Variants in ALG6 observed in about 807,000 individuals in gnomAD.
ALG6 encodes the protein dolichyl pyrophosphate Man9GlcNAc2 alpha-1,3-glucosyltransferase.
A neutral mutation model predicts 66.6 loss-of-function variants in ALG6; 46 were observed. That is an observed-to-expected ratio of 0.69 (90% CI 0.55 to 0.88). The LOEUF is 0.88. ALG6 is among the 40% of genes least tolerant of loss of function. ALG6 has a pLI of 0.00. For missense variants in ALG6, 505 were observed against 586.8 expected, an observed-to-expected ratio of 0.86 and a Z score of 1.44; for synonymous variants, 185 against 203.7, an observed-to-expected ratio of 0.91 and a Z score of 0.78.
intron 11 of ALG6, 99 bp from the exon 12 acceptor site, chr1:63,419,271 A>G (rs1349350054): frequency 3.9e-6 from 4 of 1,025,234 alleles, no homozygotes; most frequent in South Asian, 1.4e-5. Flanking sequence ...ATAAACTTTC[A>G]ACTTTCATTT....
In ALG6 at chr1:63,368,539, C is replaced by T. The variant is rs1448300717; in HGVS notation, c.-208+852C>T. Among the ~76,000 whole-genome samples, 10 of 151,824 alleles carry T rather than the reference C, an allele frequency of 6.6e-5. No homozygotes were observed. In the South Asian group the frequency reaches 1.0e-3, roughly 16 times the overall value. On this transcript the variant is annotated intron_variant, in intron 1 of 14. Transcript: ENST00000263440. ...TAATTGAGACAGAGTCTTGCTCTGT[C>T]GCCCAGGCTGGAGTGCAGTGGCACG...
At chr1:63,406,442 T>A (rs1050327337) in intron 6 of ALG6, 43 bp downstream of exon 6, 1 of 1,495,838 alleles carries the variant, frequency 6.7e-7, no homozygotes, top group Admixed American at 1.7e-5. Context: ...TGAAATGTAT[T>A]CTTTATTAGT....
chr1:63,406,502 T>A, intron 6 of ALG6, 103 bp downstream of exon 6: 1 of 958,836 alleles, frequency 1.0e-6, no homozygotes, highest in Non-Finnish European at 1.6e-6. Flanking sequence ...GGAAAGAGAG[T>A]AATTAGGAAT....
intron 2 of ALG6, among the ~76,000 whole-genome samples, chr1:63,380,578 A>G (rs1017867817): frequency 1.3e-5 from 2 of 152,150 alleles, no homozygotes; most frequent in African/African-American, 4.8e-5. Context: ...TGACACATAT[A>G]TTATTTTCTC....
intron 14 of ALG6, among the ~76,000 whole-genome samples, chr1:63,436,530 G>A (rs963948305): frequency 5.3e-5 from 8 of 152,096 alleles, no homozygotes; most frequent in Non-Finnish European, 7.4e-5. Flanking sequence ...CTTGGTGGTA[G>A]GAAGTATAAG....
At chr1:63,417,995 C>A (rs1034870135) in intron 11 of ALG6, among the ~76,000 whole-genome samples, 1 of 151,830 alleles carries the variant, frequency 6.6e-6, no homozygotes, top group Non-Finnish European at 1.5e-5. Context: ...ATTTGCCAGG[C>A]GTCGTGGTTC....
intron 2 of ALG6, among the ~76,000 whole-genome samples, chr1:63,392,143 C>G (rs1648691090): frequency 6.6e-6 from 1 of 152,000 alleles, no homozygotes; most frequent in African/African-American, 2.4e-5. Flanking sequence ...TTTCTACTTA[C>G]CCATTGCTAT....
chr1:63,396,824 C>A (rs987814998), intron 3 of ALG6, among the ~76,000 whole-genome samples: 1 of 152,076 alleles, frequency 6.6e-6, no homozygotes, highest in African/African-American at 2.4e-5. Context: ...TGAACTAGAA[C>A]GTTGATGATA....
intron 12 of ALG6, among the ~76,000 whole-genome samples, chr1:63,423,473 G>T (rs12079942): frequency 1.3e-5 from 2 of 151,918 alleles, no homozygotes; most frequent in Non-Finnish European, 2.9e-5. Flanking sequence ...CTTCATCACC[G>T]CAAAAGGAAA....
At chr1:63,390,849 T>C (rs1648651271) in intron 2 of ALG6, among the ~76,000 whole-genome samples, 1 of 152,222 alleles carries the variant, frequency 6.6e-6, no homozygotes, top group African/African-American at 2.4e-5. Flanking sequence ...TCTCTCTTCA[T>C]GCCATGCAGC....
chr1:63,374,517 A>C (rs1385225816), intron 2 of ALG6, among the ~76,000 whole-genome samples: 1 of 151,982 alleles, frequency 6.6e-6, no homozygotes, highest in African/African-American at 2.4e-5. Context: ...AGTCCCAGCT[A>C]TTCCGGAGGA....
chr1:63,369,639 G>GA (rs71045898), intron 1 of ALG6, among the ~76,000 whole-genome samples: 10,841 of 147,356 alleles, frequency 0.074, 421 homozygotes, highest in South Asian at 0.1. Context: ...CAAAAAAAAA[G>GA]AAAAAAAAAC....
At chr1:63,398,404 C>T (rs1020110049) in intron 3 of ALG6, among the ~76,000 whole-genome samples, 3 of 152,192 alleles carry the variant, frequency 2.0e-5, no homozygotes, top group Non-Finnish European at 2.9e-5. Flanking sequence ...TTTAGTAATA[C>T]CGGACTTTTA....
intron 8 of ALG6, 126 bp downstream of exon 8, chr1:63,411,457 G>A: frequency 1.2e-6 from 1 of 865,142 alleles, no homozygotes; most frequent in Admixed American, 2.7e-5. Flanking sequence ...TTTGGCTGTA[G>A]GGTATGTGGG....
chr1:63,375,236 G>T (rs1214687404), intron 2 of ALG6, among the ~76,000 whole-genome samples: 1 of 151,658 alleles, frequency 6.6e-6, no homozygotes, highest in Non-Finnish European at 1.5e-5. Flanking sequence ...CAAATACTTT[G>T]TTTCTTTTCT....
At chr1:63,376,495 A>G in intron 2 of ALG6, among the ~76,000 whole-genome samples, 1 of 152,188 alleles carries the variant, frequency 6.6e-6, no homozygotes. Context: ...TCTCTGTAAC[A>G]CTATCATTTA....
At chr1:63,372,366 C>CAT (rs1647956900) in intron 2 of ALG6, among the ~76,000 whole-genome samples, 1 of 151,950 alleles carries the variant, frequency 6.6e-6, no homozygotes, top group Admixed American at 6.6e-5. Flanking sequence ...TACACAGACA[C>CAT]ATATATATAC....
intron 11 of ALG6, 32 bp downstream of exon 11, chr1:63,415,989 C>G (rs1215713409): frequency 7.2e-7 from 1 of 1,394,090 alleles, no homozygotes; most frequent in Admixed American, 1.7e-5. Flanking sequence ...ATACTTAATT[C>G]TTGCCACAAC....
chr1:63,401,950 A>G (rs1225128346), intron 3 of ALG6, among the ~76,000 whole-genome samples: 1 of 151,352 alleles, frequency 6.6e-6, no homozygotes, highest in Non-Finnish European at 1.5e-5. Flanking sequence ...CCTTGCACGT[A>G]ACGAGGCTCT....
Sources: allele counts gnomAD v4.1 joint callset (sites outside exome capture counted in the v4.1 genomes callset), GRCh38; gene constraint gnomAD v4.1.1; transcripts MANE v1.5; gene names NCBI Gene and HGNC (gene_info 2026-07-23, HGNC 2026-07-21).